Variants in SLITRK5 observed in about 807,000 individuals in gnomAD.
The protein encoded by SLITRK5 is SLIT and NTRK like family member 5, also known as SLIT and NTRK-like protein 5.
A neutral mutation model predicts 56.2 loss-of-function variants in SLITRK5; 23 were observed. The ratio of observed to expected loss-of-function variants is 0.41; its 90% CI spans 0.29 to 0.58. The LOEUF (loss-of-function observed/expected upper bound fraction) is 0.58. Among genes scored for constraint, SLITRK5 ranks in the 20% least tolerant of loss-of-function variants. SLITRK5 has a pLI of 0.30. For synonymous variants in SLITRK5, 637 were observed against 531.8 expected (o/e 1.20, Z -2.72); for missense variants, 1,289 against 1,226.6 (o/e 1.05, Z -0.76).
intron 1 of SLITRK5, chr13:87,672,907 G>GTGTC (rs1877104057): frequency 1.4e-5 from 2 of 142,090 alleles, no homozygotes; most frequent in African/African-American, 5.8e-5. Context: ...GTGTGTGTGT[G>GTGTC]TCTATGTGGC....
At position 87,675,149 on chromosome 13, in the gene SLITRK5, C is replaced by T. The variant is rs539928073; in HGVS notation, c.-8-232C>T. On this transcript the variant is annotated intron_variant, in intron 1 of 1. Coordinates refer to ENST00000683689, the MANE Select transcript of SLITRK5 (RefSeq NM_001384609.1). ...CCTGCTCTTATCTTGTAAGGAGCAG[C>T]ATATTTGTGGTGTGCTCATTTAAAA... 2.0e-5 allele frequency among the ~76,000 whole-genome samples: 3 copies of T among 152,194 alleles called. No individual in the cohort carries two copies. In the South Asian group the frequency reaches 6.2e-4, roughly 32 times the overall value.
rs1408662425 is a variant in SLITRK5 at position 87,676,809 on chromosome 13, C to T, written c.1421C>T (p.Pro474Leu). The change falls in exon 2 of 2, where the codon CCG (proline) becomes CTG (leucine). Residue 474 changes from proline (P) to leucine (L), a missense_variant. By Grantham distance (98) the Pro-to-Leu change is moderately conservative. Around this residue, in one of 3 missense-constraint regions of SLITRK5, gnomAD observed 985 missense variants for 906.0 expected, o/e 1.09. Transcript: ENST00000683689. ...LNGNRIERLS[P>L]ELFYGLQSLQ... ...GGCAACAGGATCGAGAGGCTGAGCC[C>T]GGAGTTATTCTATGGCCTGCAGAGC... The T allele has an allele frequency of 1.9e-6, 3 of 1,614,054 alleles. No individual in the cohort carries two copies. The highest frequency in any genetic ancestry group is 2.5e-6 in the Non-Finnish European group (3 of 1,180,026).
In SLITRK5 at chr13:87,672,057, T is replaced by G. The variant is rs1406961342; in HGVS notation, c.-161T>G. Among the ~76,000 whole-genome samples the G allele has an allele frequency of 6.6e-6, 1 of 151,370 alleles. No homozygotes were observed. Among genetic ancestry groups the G allele is most frequent in the Non-Finnish European group, 1.5e-5 (1 of 67,786 alleles). Reference sequence around the variant, plus strand: ...GCGTGCGCCACTGACCAGGGGGGAATGTGGTGAAGACGGCGAGGAGGAGAG... The same window carrying G: ...GCGTGCGCCACTGACCAGGGGGGAAGGTGGTGAAGACGGCGAGGAGGAGAG... On this transcript the variant is annotated 5_prime_UTR_variant, in exon 1 of 2. An upstream start codon of the reference 5' UTR is lost. Coordinates refer to ENST00000683689, the MANE Select transcript of SLITRK5 (RefSeq NM_001384609.1).
In SLITRK5 at chr13:87,678,610, G is replaced by A. The variant is rs554867805; in HGVS notation, c.*345G>A. The A allele has an allele frequency of 1.3e-5, 3 of 238,040 alleles. No individual in the cohort carries two copies. The highest frequency in any genetic ancestry group is 6.8e-5 in the African/African-American group (3 of 44,132). The allele number at this position is 238,040 out of a possible 1,614,324, so 14.7% of individuals were successfully genotyped here. ...GTGCTAAGAATGGTGGATGATGGCAGAGCATAGATTCTACTCTTCCTCTTT... is the reference window on the plus strand; with the variant it reads ...GTGCTAAGAATGGTGGATGATGGCAAAGCATAGATTCTACTCTTCCTCTTT... On this transcript the variant is annotated 3_prime_UTR_variant, in exon 2 of 2. Transcript: ENST00000683689.
chr13:87,678,427 T>A lies in SLITRK5; in HGVS notation c.*162T>A, dbSNP rs1877395985. On this transcript the variant is annotated 3_prime_UTR_variant, in exon 2 of 2. Coordinates refer to ENST00000683689, the MANE Select transcript of SLITRK5 (RefSeq NM_001384609.1). ...TGGAAGATACGAAAAGGGTGTGCAA[T>A]TTCCTTTAAAATTTACACGTGGGAA... 4 of 677,328 alleles carry A rather than the reference T, an allele frequency of 5.9e-6. No homozygotes were observed. The highest frequency in any genetic ancestry group is 1.0e-5 in the Non-Finnish European group (4 of 398,340). The allele number at this position is 677,328 out of a possible 1,614,324, so 42.0% of individuals were successfully genotyped here. A position where few individuals can be genotyped will look rare whatever the true frequency, so the allele number is the denominator to read the frequency against.
intron 1 of SLITRK5, among the ~76,000 whole-genome samples, chr13:87,673,894 G>A (rs915569504): frequency 6.6e-6 from 1 of 152,132 alleles, no homozygotes; most frequent in African/African-American, 2.4e-5. Context: ...CTTCGGTAGT[G>A]AGGCAAAGGC....
chr13:87,677,630 G>A lies in SLITRK5; in HGVS notation c.2242G>A (p.Val748Met), dbSNP rs765392283. The A allele has an allele frequency of 1.6e-5, 26 of 1,609,214 alleles. No homozygotes were observed. The highest frequency in any genetic ancestry group is 1.2e-4 in the Admixed American group (7 of 59,852). Residue 748 changes from valine (V) to methionine (M), a missense_variant, in exon 2 of 2, where the codon GTG (valine) becomes ATG (methionine). Transcript: ENST00000683689. This position sits in a 1 kb window ranked among gnomAD's most constrained non-coding sequence, Gnocchi z 4.7. ...CAAGGTGAAGACGCCCGCGGGCCACGTGTATGAATACATCCCCCACCCACT... is the reference window on the plus strand; with the variant it reads ...CAAGGTGAAGACGCCCGCGGGCCACATGTATGAATACATCCCCCACCCACT... ...LPKVKTPAGH[V>M]YEYIPHPLGH...
chr13:87,677,873 C>A lies in SLITRK5; in HGVS notation c.2485C>A (p.Arg829=), dbSNP rs1245120781. The change falls in exon 2 of 2, where the codon CGG becomes AGG. Residue 829 remains arginine (R), a synonymous_variant. Transcript: ENST00000683689. The surrounding 1 kb of genome is among the most constrained non-coding windows in gnomAD (Gnocchi z 4.7). The stretch of plus-strand genomic sequence containing the variant: ...GGAGAGGCGGGAAAGCCACCACTTG[C>A]GGAGCCCCGCCTACAGCGTCAGCAC... The part of the protein sequence containing the change: ...EEERRESHHL[R]SPAYSVSTIE... 6.8e-6 allele frequency: 11 copies of A among 1,608,036 alleles called. No individual in the cohort carries two copies. The highest frequency in any genetic ancestry group is 1.1e-5 in the South Asian group (1 of 90,816).
In SLITRK5 at chr13:87,675,773, C is replaced by T. The variant is rs376984309; in HGVS notation, c.385C>T (p.Arg129Trp). 11 of 1,614,102 alleles carry T rather than the reference C, an allele frequency of 6.8e-6. No individual in the cohort carries two copies. Among genetic ancestry groups the T allele is most frequent in the African/African-American group, 1.3e-5 (1 of 75,022 alleles). ...DIETGAFHGL[R>W]GLRRLHLNNN... ...TGAGACCGGGGCTTTCCATGGGCTA[C>T]GGGGTTTGAGGAGATTGCATCTAAA... The change falls in exon 2 of 2, where the codon CGG becomes TGG. Residue 129 changes from arginine to tryptophan, a missense_variant. By Grantham distance (101) the Arg-to-Trp change is moderately radical. Around this residue, in one of 3 missense-constraint regions of SLITRK5, gnomAD observed 291 missense variants for 286.7 expected, o/e 1.02. Coordinates refer to ENST00000683689, the MANE Select transcript of SLITRK5 (RefSeq NM_001384609.1).
intron 1 of SLITRK5, chr13:87,673,350 G>A (rs1218746244): frequency 2.8e-6 from 1 of 355,396 alleles, no homozygotes; most frequent in Non-Finnish European, 5.6e-6. Context: ...AAGGAGGAGG[G>A]GGAAGGGAGT....
chr13:87,677,540 G>A lies in SLITRK5; in HGVS notation c.2152G>A (p.Gly718Ser), dbSNP rs769144938. The A allele has an allele frequency of 6.3e-7, 1 of 1,596,548 alleles. No individual in the cohort carries two copies. Among genetic ancestry groups the A allele is most frequent in the African/African-American group, 1.3e-5 (1 of 74,444 alleles). The change falls in exon 2 of 2, where the codon GGC becomes AGC. Residue 718 changes from glycine to serine, a missense_variant. Transcript: ENST00000683689. This position sits in a 1 kb window ranked among gnomAD's most constrained non-coding sequence, Gnocchi z 4.7. ...SSFNMQYSVY[G>S]GGGGTGGHPH... ...CTTTAACATGCAGTACAGCGTGTAC[G>A]GCGGCGGCGGCGGCACGGGCGGCCA...
At chr13:87,672,560 C>G (rs1329411663) in intron 1 of SLITRK5, 1 of 151,840 alleles carries the variant, frequency 6.6e-6, no homozygotes, top group South Asian at 2.1e-4. Flanking sequence ...ACCCCCCAAC[C>G]CTGCTGCCCG....
At position 87,671,827 on chromosome 13, in the gene SLITRK5, C is replaced by G. The variant is rs920077090; in HGVS notation, c.-391C>G. 1.3e-5 allele frequency among the ~76,000 whole-genome samples: 2 copies of G among 151,982 alleles called. No homozygotes were observed. The highest frequency in any genetic ancestry group is 1.3e-4 in the Admixed American group (2 of 15,278). ...GGCGGGCTCGGCGCGGAGACAGCGTCGGCGGGATCCCAGCGCGGTGGTCGC... is the reference window on the plus strand; with the variant it reads ...GGCGGGCTCGGCGCGGAGACAGCGTGGGCGGGATCCCAGCGCGGTGGTCGC... On this transcript the variant is annotated 5_prime_UTR_variant, in exon 1 of 2. Transcript: ENST00000683689.
At position 87,678,575 on chromosome 13, in the gene SLITRK5, G is replaced by A. The variant is rs576048025; in HGVS notation, c.*310G>A. 3.1e-6 allele frequency: 1 copy of A among 325,418 alleles called. No homozygotes were observed. The highest frequency in any genetic ancestry group is 2.1e-5 in the African/African-American group (1 of 47,110). The allele number at this position is 325,418 out of a possible 1,614,324, so 20.2% of individuals were successfully genotyped here. A position where few individuals can be genotyped will look rare whatever the true frequency, so the allele number is the denominator to read the frequency against. Reference sequence around the variant, plus strand: ...GTGAAAGGTCACAGTCATTTTTGTAGTGGTTGGAAGTGCTAAGAATGGTGG... The same window carrying A: ...GTGAAAGGTCACAGTCATTTTTGTAATGGTTGGAAGTGCTAAGAATGGTGG... On this transcript the variant is annotated 3_prime_UTR_variant, in exon 2 of 2. Coordinates refer to ENST00000683689, the MANE Select transcript of SLITRK5 (RefSeq NM_001384609.1).
rs375385227 is a variant in SLITRK5 at position 87,677,915 on chromosome 13, G to T, written c.2527G>T (p.Asp843Tyr). The change falls in exon 2 of 2, where the codon GAC (aspartate) becomes TAC (tyrosine). Residue 843 changes from aspartate to tyrosine, a missense_variant. Physicochemically the swap from Asp to Tyr is radical, Grantham distance 160. Transcript: ENST00000683689. This position sits in a 1 kb window ranked among gnomAD's most constrained non-coding sequence, Gnocchi z 4.7. ...CGTCAGCACCATCGAGCCCCGGGAG[G>T]ACCTGCTGTCGCCGGTGCAGGACGC... ...YSVSTIEPREDLLSPVQDADR... is the reference protein window; with the variant it reads ...YSVSTIEPREYLLSPVQDADR... The T allele has an allele frequency of 1.9e-5, 30 of 1,613,648 alleles. No individual in the cohort carries two copies. The highest frequency in any genetic ancestry group is 2.7e-5 in the African/African-American group (2 of 74,936).
Position 87,678,459 on chromosome 13 carries a change from G to T in SLITRK5, c.*194G>T. 1.6e-6 allele frequency: 1 copy of T among 611,840 alleles called. No homozygotes were observed. The highest frequency in any genetic ancestry group is 2.9e-6 in the Non-Finnish European group (1 of 342,266). 37.9% of individuals were successfully genotyped at this position (611,840 alleles called of 1,614,324 possible). ...TAAAATTTACACGTGGGAAACATTT[G>T]TGTAAACTGGGCACATCACTTTCTC... is the stretch of plus-strand genomic sequence containing the variant. On this transcript the variant is annotated 3_prime_UTR_variant, in exon 2 of 2. Transcript: ENST00000683689.
At chr13:87,674,476 C>T (rs1292808994) in intron 1 of SLITRK5, 1 of 844,054 alleles carries the variant, frequency 1.2e-6, no homozygotes, top group Non-Finnish European at 1.4e-6. Context: ...CCTTTTTAAA[C>T]TCTAGGCATC....
At chr13:87,672,473 C>T (rs1481509285) in intron 1 of SLITRK5, 3 of 140,488 alleles carry the variant, frequency 2.1e-5, no homozygotes, top group Non-Finnish European at 4.6e-5. Context: ...TACCGCGAGG[C>T]GCCTCTCCAG....
Position 87,671,412 on chromosome 13 carries a change from A to T in SLITRK5, c.-806A>T, listed in dbSNP as rs758148075. ...GCCCCGGGCCCATCATGTCTGCTGCAGCTTGGCTCGCACCAGAGGCGCGAC... is the reference window on the plus strand; with the variant it reads ...GCCCCGGGCCCATCATGTCTGCTGCTGCTTGGCTCGCACCAGAGGCGCGAC... On this transcript the variant is annotated 5_prime_UTR_variant, in exon 1 of 2. Coordinates refer to ENST00000683689, the MANE Select transcript of SLITRK5 (RefSeq NM_001384609.1). Among the ~76,000 whole-genome samples the T allele has an allele frequency of 6.6e-6, 1 of 152,082 alleles. No individual in the cohort carries two copies. The highest frequency in any genetic ancestry group is 2.4e-5 in the African/African-American group (1 of 41,432).
Sources: gnomAD v4.1 joint callset for allele counts (sites outside exome capture counted in the v4.1 genomes callset) on GRCh38, gnomAD v4.1.1 for gene constraint, gnomAD v4.1.1 regional missense constraint, Gnocchi (gnomAD v3.1) non-coding constraint, MANE v1.5 for transcripts, NCBI Gene and HGNC (gene_info 2026-07-23, HGNC 2026-07-21) for gene names.